SPAG17: variants seen among roughly 807,000 people sequenced by gnomAD.
The protein encoded by SPAG17 is sperm-associated antigen 17.
SPAG17 carries 169 observed loss-of-function variants against 273.6 expected under a neutral mutation model. The observed-to-expected ratio is 0.62, with a 90% CI of 0.55 to 0.70. SPAG17 has a LOEUF of 0.70. SPAG17 is among the 30% of genes least tolerant of loss of function. SPAG17 has a pLI of 0.00. For synonymous variants in SPAG17, 825 were observed against 873.2 expected (o/e 0.94, Z 0.97); for missense variants, 2,557 against 2,627.8 (o/e 0.97, Z 0.59).
chr1:118,137,449 C>T (rs1558038344), intron 3 of SPAG17, among the ~76,000 whole-genome samples: 1 of 152,122 alleles, frequency 6.6e-6, no homozygotes, highest in Admixed American at 6.6e-5. Flanking sequence ...TGGCCTAGCT[C>T]ACCATTAGAG....
At position 118,093,142 on chromosome 1, in the gene SPAG17, G is replaced by C. The variant is rs1456198201; in HGVS notation, c.1173+14C>G. ...AATCATTCATCCCACTAAAGACATT[G>C]AGCCCATGCCTACCTCTGAAGTTGG... On this transcript the variant is annotated intron_variant, in intron 8 of 48. Coordinates refer to ENST00000336338, the MANE Select transcript of SPAG17 (RefSeq NM_206996.4). 1 of 1,607,352 alleles carries C rather than the reference G, an allele frequency of 6.2e-7. No individual in the cohort carries two copies. Among genetic ancestry groups the C allele is most frequent in the Non-Finnish European group, 8.5e-7 (1 of 1,176,800 alleles).
intron 30 of SPAG17, among the ~76,000 whole-genome samples, chr1:118,009,527 T>G (rs1445955726): frequency 6.6e-6 from 1 of 152,174 alleles, no homozygotes; most frequent in South Asian, 2.1e-4. Context: ...GTTTCCTTTT[T>G]TCTGATGCCA....
intron 15 of SPAG17, among the ~76,000 whole-genome samples, chr1:118,079,445 T>TA (rs781535210): frequency 1.6e-4 from 24 of 152,086 alleles, no homozygotes; most frequent in Non-Finnish European, 2.9e-4. Context: ...GATATAGTTT[T>TA]ATTCTCGATA....
Position 118,016,989 on chromosome 1 carries a change from G to T in SPAG17, c.4070-807C>A, listed in dbSNP as rs145511698. 2.0e-3 allele frequency among the ~76,000 whole-genome samples: 308 copies of T among 152,276 alleles called. 1 individual carries two copies. The highest frequency in any genetic ancestry group is 0.014 in the East Asian group (71 of 5,180). On this transcript the variant is annotated intron_variant, in intron 28 of 48. Transcript: ENST00000336338. ...GACCCTGAAACAAATTGCAAGTAATGATAGTAAAGGAATGTTAACTCTTGG... is the reference window on the plus strand; with the variant it reads ...GACCCTGAAACAAATTGCAAGTAATTATAGTAAAGGAATGTTAACTCTTGG...
chr1:118,063,734 TG>T (rs1177062119), intron 18 of SPAG17, among the ~76,000 whole-genome samples: 1 of 152,096 alleles, frequency 6.6e-6, no homozygotes. Flanking sequence ...AATTGACAAA[TG>T]GGATCTCATT....
At chr1:118,041,102 T>C (rs1317351752) in intron 21 of SPAG17, among the ~76,000 whole-genome samples, 1 of 152,154 alleles carries the variant, frequency 6.6e-6, no homozygotes, top group Non-Finnish European at 1.5e-5. Flanking sequence ...CATCATACTG[T>C]TGTCAAGGCA....
At chr1:118,000,603 C>T (rs1375537193) in intron 32 of SPAG17, among the ~76,000 whole-genome samples, 2 of 152,132 alleles carry the variant, frequency 1.3e-5, no homozygotes, top group Non-Finnish European at 2.9e-5. Context: ...TGGTGGTTCA[C>T]TCACGTTTGG....
At chr1:118,110,525 C>A (rs1656694973) in intron 4 of SPAG17, among the ~76,000 whole-genome samples, 1 of 152,160 alleles carries the variant, frequency 6.6e-6, no homozygotes, top group Non-Finnish European at 1.5e-5. Context: ...TAGGAATAAT[C>A]TCTGGATGTC....
At chr1:118,164,982 C>G (rs1214636083) in intron 1 of SPAG17, among the ~76,000 whole-genome samples, 1 of 152,182 alleles carries the variant, frequency 6.6e-6, no homozygotes, top group Non-Finnish European at 1.5e-5. Context: ...CAGCCTGGTC[C>G]TTTTATTCAG....
chr1:118,101,019 C>T (rs1656033628), intron 5 of SPAG17, among the ~76,000 whole-genome samples: 1 of 152,122 alleles, frequency 6.6e-6, no homozygotes, highest in Admixed American at 6.6e-5. Context: ...CCTATATGTG[C>T]CCAACAAGAT....
chr1:118,096,933 T>C (rs1266457950), intron 7 of SPAG17, among the ~76,000 whole-genome samples: 1 of 152,052 alleles, frequency 6.6e-6, no homozygotes, highest in Non-Finnish European at 1.5e-5. Context: ...TGGCCAAATA[T>C]ATTAAAAATA....
At chr1:118,067,752 C>A (rs1653129017) in intron 17 of SPAG17, among the ~76,000 whole-genome samples, 2 of 152,188 alleles carry the variant, frequency 1.3e-5, no homozygotes. Flanking sequence ...GAGTAAGGGA[C>A]TTGTCCAAGA....
At chr1:118,038,410 C>T (rs921140789) in intron 23 of SPAG17, among the ~76,000 whole-genome samples, 1 of 152,240 alleles carries the variant, frequency 6.6e-6, no homozygotes, top group Admixed American at 6.5e-5. Flanking sequence ...CCAAAAGTCA[C>T]ACTCCTTGGT....
intron 4 of SPAG17, among the ~76,000 whole-genome samples, chr1:118,102,658 C>T (rs1274104004): frequency 4.6e-5 from 7 of 152,268 alleles, no homozygotes; most frequent in African/African-American, 9.6e-5. Flanking sequence ...ACATTAATTC[C>T]GCCCCAACAC....
At chr1:118,121,904 C>CTGA (rs1359284074) in intron 3 of SPAG17, among the ~76,000 whole-genome samples, 1 of 152,148 alleles carries the variant, frequency 6.6e-6, no homozygotes, top group African/African-American at 2.4e-5. Context: ...AAAAAGAATA[C>CTGA]TGATGACTAT....
intron 48 of SPAG17, chr1:117,959,993 A>G (rs1225267289): frequency 6.6e-6 from 1 of 152,240 alleles, no homozygotes. Flanking sequence ...TTATGTCTGT[A>G]TATAAGAAGA....
At chr1:118,056,591 G>C (rs1192500133) in intron 18 of SPAG17, among the ~76,000 whole-genome samples, 1 of 152,110 alleles carries the variant, frequency 6.6e-6, no homozygotes, top group Non-Finnish European at 1.5e-5. Context: ...AAAGAGAGTT[G>C]TTTCTGAGGA....
intron 17 of SPAG17, among the ~76,000 whole-genome samples, chr1:118,073,256 T>G (rs1220007112): frequency 3.9e-5 from 6 of 152,210 alleles, no homozygotes; most frequent in African/African-American, 1.4e-4. Flanking sequence ...GGTTTATATC[T>G]AGCTTCTCAC....
At chr1:118,039,170 A>C in intron 23 of SPAG17, 122 bp downstream of exon 23, 1 of 1,042,172 alleles carries the variant, frequency 9.6e-7, no homozygotes, top group Non-Finnish European at 1.4e-6. Flanking sequence ...ACTATTAATA[A>C]GAGAGTGTAC....
Sources: allele counts gnomAD v4.1 joint callset (sites outside exome capture counted in the v4.1 genomes callset), GRCh38; gene constraint gnomAD v4.1.1; transcripts MANE v1.5; gene names NCBI Gene and HGNC (gene_info 2026-07-23, HGNC 2026-07-21).